TMEM165: variants seen among roughly 807,000 people sequenced by gnomAD.
TMEM165 encodes the protein transmembrane protein 165, also known as putative divalent cation/proton antiporter TMEM165.
TMEM165 carries 19 observed loss-of-function variants against 30.0 expected under a neutral mutation model. The ratio of observed to expected loss-of-function variants is 0.63; its 90% CI spans 0.44 to 0.93. The LOEUF is 0.93. TMEM165 is among the 40% of genes least tolerant of loss of function. The pLI is 0.00. For missense variants in TMEM165, 340 were observed against 417.0 expected, an observed-to-expected ratio of 0.82 and a Z score of 1.61; for synonymous variants, 168 against 162.9, an observed-to-expected ratio of 1.03 and a Z score of -0.24.
intron 3 of TMEM165, among the ~76,000 whole-genome samples, chr4:55,440,469 A>G (rs2109665212): frequency 1.3e-5 from 2 of 152,338 alleles, no homozygotes; most frequent in Non-Finnish European, 2.9e-5. Flanking sequence ...TGACACTAAC[A>G]TAGATGTGGC....
intron 1 of TMEM165, among the ~76,000 whole-genome samples, chr4:55,406,278 G>A (rs1182570349): frequency 2.0e-5 from 3 of 152,186 alleles, no homozygotes; most frequent in African/African-American, 7.2e-5. Context: ...TTTTTGAAAT[G>A]GTACATAGCA....
downstream of TMEM165, chr4:55,426,217 T>C (rs1026559557): frequency 6.6e-6 from 1 of 152,234 alleles, no homozygotes; most frequent in Non-Finnish European, 1.5e-5. Flanking sequence ...TCAGTATTGA[T>C]AGGCCAATTT....
At chr4:55,418,292 A>G in intron 4 of TMEM165, 1 of 239,758 alleles carries the variant, frequency 4.2e-6, no homozygotes, top group East Asian at 9.3e-5. Context: ...TTTCTTTTTT[A>G]TAGTTGTTGA....
chr4:55,408,406 A>C (rs1448146007), intron 1 of TMEM165, among the ~76,000 whole-genome samples: 1 of 152,254 alleles, frequency 6.6e-6, no homozygotes, highest in African/African-American at 2.4e-5. Context: ...ATAACCTGCT[A>C]TACACCTAGG....
chr4:55,401,973 C>CT (rs1183936249), intron 1 of TMEM165, among the ~76,000 whole-genome samples: 1 of 149,354 alleles, frequency 6.7e-6, no homozygotes, highest in African/African-American at 2.6e-5. Flanking sequence ...AAAAAATTAG[C>CT]TGGGCGTGGT....
intron 3 of TMEM165, among the ~76,000 whole-genome samples, chr4:55,437,518 A>G (rs1287456116): frequency 2.6e-5 from 4 of 152,292 alleles, no homozygotes; most frequent in East Asian, 3.9e-4. Context: ...TCACTAAATG[A>G]TATCTGTGTC....
chr4:55,438,695 T>A (rs1723096324), intron 3 of TMEM165, among the ~76,000 whole-genome samples: 1 of 152,204 alleles, frequency 6.6e-6, no homozygotes. Context: ...TTTAAAAGAT[T>A]CCCTTTGGTG....
chr4:55,420,106 A>AAAAAT (rs1474254120), intron 4 of TMEM165, among the ~76,000 whole-genome samples: 4 of 45,466 alleles, frequency 8.8e-5, no homozygotes, highest in Admixed American at 2.4e-4. Flanking sequence ...AAGAAAAAAA[A>AAAAAT]ATATATATAT....
chr4:55,432,963 T>G (rs1359512523), intron 3 of TMEM165: 2 of 152,744 alleles, frequency 1.3e-5, no homozygotes, highest in East Asian at 3.9e-4. Flanking sequence ...TCAACCTAAG[T>G]AGTACTCACA....
intron 3 of TMEM165, among the ~76,000 whole-genome samples, chr4:55,446,463 G>A (rs1355524993): frequency 6.6e-6 from 1 of 152,018 alleles, no homozygotes; most frequent in Non-Finnish European, 1.5e-5. Context: ...CCCTCTATGT[G>A]TACATGAGTA....
At chr4:55,438,265 C>T (rs147100605) in intron 3 of TMEM165, 2 of 1,613,924 alleles carry the variant, frequency 1.2e-6, no homozygotes, top group Non-Finnish European at 8.5e-7. Flanking sequence ...AAGCAGCTTC[C>T]CCATGGGGAG....
rs1306795960 is a variant in TMEM165, at chr4:55,411,760, C to G, written c.354C>G (p.Ala118=). The change falls in exon 2 of 6, where the codon GCC becomes GCG. Residue 118 remains alanine, a synonymous_variant. Transcript: ENST00000381334. ...GTGATAAGACATTTTTTATAGCAGC[C>G]ATCATGGCAATGCGCTATAACCGCC... The part of the protein sequence containing the change: ...ELGDKTFFIA[A]IMAMRYNRLT... The G allele has an allele frequency of 5.0e-6, 8 of 1,614,066 alleles. No individual in the cohort carries two copies. Among genetic ancestry groups the G allele is most frequent in the Non-Finnish European group, 6.8e-6 (8 of 1,180,038 alleles).
At position 55,425,509 on chromosome 4, in the gene TMEM165, A is replaced by C; in HGVS notation, c.*57A>C. ...AATAGGTAGTATTATCTTTCTGTAC[A>C]TAGTGTACATTACAACTAAAAGTGA... On this transcript the variant is annotated 3_prime_UTR_variant, in exon 6 of 6. Coordinates refer to ENST00000381334, the MANE Select transcript of TMEM165 (RefSeq NM_018475.5). 1 of 1,335,598 alleles carries C rather than the reference A, an allele frequency of 7.5e-7. No individual in the cohort carries two copies. The highest frequency in any genetic ancestry group is 1.7e-5 in the Admixed American group (1 of 57,352). 82.7% of individuals were successfully genotyped at this position (1,335,598 alleles called of 1,614,324 possible). A position where few individuals can be genotyped will look rare whatever the true frequency, so the allele number is the denominator to read the frequency against.
chr4:55,443,975 A>T, intron 3 of TMEM165: 1 of 1,298,196 alleles, frequency 7.7e-7, no homozygotes, highest in Non-Finnish European at 1.1e-6. Flanking sequence ...GGCAAAATCA[A>T]GCTACAAAGT....
At position 55,396,335 on chromosome 4, in the gene TMEM165, C is replaced by G; in HGVS notation, c.146C>G (p.Pro49Arg). ...LSHRNKEPPA[P>R]AQQLQPQPVA... ...CACCGGAACAAAGAACCGCCGGCGCCGGCCCAGCAGCTGCAGCCGCAGCCT... is the reference window on the plus strand; with the variant it reads ...CACCGGAACAAAGAACCGCCGGCGCGGGCCCAGCAGCTGCAGCCGCAGCCT... The change falls in exon 1 of 6, where the codon CCG becomes CGG. Residue 49 changes from proline (P) to arginine (R), a missense_variant. Physicochemically the swap from Pro to Arg is moderately radical, Grantham distance 103 (BLOSUM62 -2). This residue lies in a region of TMEM165 where 120 missense variants were observed against 109.4 expected (regional missense o/e 1.10). Transcript: ENST00000381334. The G allele has an allele frequency of 5.9e-6, 9 of 1,516,798 alleles. No individual in the cohort carries two copies. The highest frequency in any genetic ancestry group is 7.9e-6 in the Non-Finnish European group (9 of 1,137,416). 94.0% of individuals were successfully genotyped at this position (1,516,798 alleles called of 1,614,324 possible). A position where few individuals can be genotyped will look rare whatever the true frequency, so the allele number is the denominator to read the frequency against.
At chr4:55,413,336 A>G in intron 2 of TMEM165, among the ~76,000 whole-genome samples, 1 of 151,628 alleles carries the variant, frequency 6.6e-6, no homozygotes, top group African/African-American at 2.4e-5. Flanking sequence ...TTATTTTGAG[A>G]CAGACTCTTG....
At chr4:55,405,744 G>T (rs1265369170) in intron 1 of TMEM165, among the ~76,000 whole-genome samples, 1 of 152,026 alleles carries the variant, frequency 6.6e-6, no homozygotes, top group Non-Finnish European at 1.5e-5. Context: ...CTGACCTCCT[G>T]ATTGATCCAG....
At chr4:55,432,372 C>T (rs1009063323) in intron 3 of TMEM165, 2 of 151,824 alleles carry the variant, frequency 1.3e-5, no homozygotes, top group East Asian at 3.9e-4. Flanking sequence ...ACGGTAACTG[C>T]AGAGTAGCTA....
At chr4:55,400,598 C>T (rs1301496394) in intron 1 of TMEM165, among the ~76,000 whole-genome samples, 2 of 146,184 alleles carry the variant, frequency 1.4e-5, no homozygotes, top group South Asian at 2.1e-4. Flanking sequence ...CCACCATGCC[C>T]GCCTAATTTT....
Sources: allele counts gnomAD v4.1 joint callset (sites outside exome capture counted in the v4.1 genomes callset), GRCh38; gene constraint gnomAD v4.1.1; regional missense constraint gnomAD v4.1.1; transcripts MANE v1.5; gene names NCBI Gene and HGNC (gene_info 2026-07-23, HGNC 2026-07-21).